Variants in GPC5 observed in about 807,000 individuals in gnomAD.
GPC5 encodes glypican 5.
A neutral mutation model predicts 53.9 loss-of-function variants in GPC5; 47 were observed. The ratio of observed to expected loss-of-function variants is 0.87; its 90% CI spans 0.69 to 1.11. The LOEUF is 1.11. GPC5 is among the 50% of genes most tolerant of loss of function. The pLI, the probability that GPC5 is intolerant of heterozygous loss-of-function variation, is 0.00. For synonymous variants in GPC5, 286 were observed against 263.3 expected (o/e 1.09, Z -0.84); for missense variants, 748 against 713.1 (o/e 1.05, Z -0.56).
intron 7 of GPC5, among the ~76,000 whole-genome samples, chr13:92,184,798 A>G (rs979243601): frequency 2.0e-5 from 3 of 152,266 alleles, no homozygotes; most frequent in Admixed American, 6.5e-5. Context: ...GAAACTCTAT[A>G]TCTTTATTCT....
intron 7 of GPC5, among the ~76,000 whole-genome samples, chr13:92,278,170 G>A (rs2042889236): frequency 1.3e-5 from 2 of 151,738 alleles, no homozygotes. Flanking sequence ...AAGAAAGTTT[G>A]CCTTTTGGTA....
intron 7 of GPC5, among the ~76,000 whole-genome samples, chr13:92,188,806 A>G (rs1277218912): frequency 3.3e-5 from 5 of 152,226 alleles, no homozygotes; most frequent in African/African-American, 1.2e-4. Context: ...TTTCTGGTTC[A>G]GCATCTAAGA....
At chr13:92,233,362 T>C (rs1390393551) in intron 7 of GPC5, among the ~76,000 whole-genome samples, 1 of 152,210 alleles carries the variant, frequency 6.6e-6, no homozygotes, top group Non-Finnish European at 1.5e-5. Flanking sequence ...GAAATATCTG[T>C]GTATTGAGAC....
At chr13:92,186,844 G>A (rs1445063645) in intron 7 of GPC5, among the ~76,000 whole-genome samples, 2 of 152,060 alleles carry the variant, frequency 1.3e-5, no homozygotes, top group African/African-American at 4.8e-5. Context: ...ATTTACTTCC[G>A]CTCATGCCTG....
At chr13:92,305,886 G>T (rs1457944723) in intron 7 of GPC5, among the ~76,000 whole-genome samples, 3 of 152,176 alleles carry the variant, frequency 2.0e-5, no homozygotes, top group South Asian at 2.1e-4. Context: ...GGATTCAGGG[G>T]AATAGCTTTT....
At chr13:92,416,337 G>A (rs140421776) in intron 7 of GPC5, among the ~76,000 whole-genome samples, 40 of 152,292 alleles carry the variant, frequency 2.6e-4, no homozygotes, top group Non-Finnish European at 2.9e-5. Context: ...CTGGAAAATA[G>A]ATTGGAAGAG....
At chr13:92,386,820 T>G (rs1196017349) in intron 7 of GPC5, among the ~76,000 whole-genome samples, 1 of 152,072 alleles carries the variant, frequency 6.6e-6, no homozygotes, top group Non-Finnish European at 1.5e-5. Context: ...GGTTAAAAAC[T>G]TACTATATTT....
At chr13:92,460,975 TG>T (rs1373388578) in intron 7 of GPC5, among the ~76,000 whole-genome samples, 1 of 151,910 alleles carries the variant, frequency 6.6e-6, no homozygotes, top group African/African-American at 2.4e-5. Context: ...CAAATCTGAG[TG>T]AAGCTTGAAG....
At chr13:92,486,316 ATCC>A (rs1879553025) in intron 7 of GPC5, among the ~76,000 whole-genome samples, 1 of 152,202 alleles carries the variant, frequency 6.6e-6, no homozygotes, top group Non-Finnish European at 1.5e-5. Flanking sequence ...TGGTATTTCT[ATCC>A]TCCTATCCTC....
intron 5 of GPC5, among the ~76,000 whole-genome samples, chr13:91,823,945 A>G (rs1026577050): frequency 2.0e-5 from 3 of 152,092 alleles, no homozygotes; most frequent in African/African-American, 7.2e-5. Context: ...ACTTTGAAAT[A>G]TCAATATGGT....
intron 7 of GPC5, among the ~76,000 whole-genome samples, chr13:92,294,826 CT>C (rs147963724): frequency 0.014 from 1,338 of 98,938 alleles, 13 homozygotes; most frequent in African/African-American, 0.044. Flanking sequence ...TTTTTTTTTT[CT>C]TTTTTTTTTT....
At chr13:91,844,084 G>A (rs1479224093) in intron 5 of GPC5, among the ~76,000 whole-genome samples, 1 of 152,142 alleles carries the variant, frequency 6.6e-6, no homozygotes, top group Non-Finnish European at 1.5e-5. Context: ...TACCAGGACA[G>A]GAGGTAAAGG....
At chr13:91,963,865 T>C (rs1049891882) in intron 6 of GPC5, among the ~76,000 whole-genome samples, 3 of 152,184 alleles carry the variant, frequency 2.0e-5, no homozygotes, top group African/African-American at 7.2e-5. Context: ...TAGAACACTT[T>C]CTTCGTACAA....
chr13:92,302,955 G>A (rs1432479120), intron 7 of GPC5, among the ~76,000 whole-genome samples: 1 of 152,034 alleles, frequency 6.6e-6, no homozygotes, highest in East Asian at 1.9e-4. Context: ...TATACTTTTT[G>A]TTTTCATTTT....
At chr13:91,866,710 C>T (rs1304184485) in intron 5 of GPC5, among the ~76,000 whole-genome samples, 1 of 152,128 alleles carries the variant, frequency 6.6e-6, no homozygotes, top group Non-Finnish European at 1.5e-5. Flanking sequence ...TCCTTTATAG[C>T]AATGAGATGG....
intron 2 of GPC5, among the ~76,000 whole-genome samples, chr13:91,478,867 C>T (rs1185350165): frequency 5.1e-5 from 4 of 78,424 alleles, no homozygotes; most frequent in African/African-American, 8.4e-5. Context: ...TATACACACA[C>T]ATATATATAC....
At chr13:92,153,149 T>A (rs2041919463) in intron 7 of GPC5, among the ~76,000 whole-genome samples, 7 of 152,194 alleles carry the variant, frequency 4.6e-5, no homozygotes. Context: ...TTTCTTTCTT[T>A]TTTTTGAGAC....
chr13:92,864,859 T>TTA lies in GPC5; in HGVS notation c.1562-1409_1562-1408dup, dbSNP rs760708862. On this transcript the variant is annotated intron_variant, in intron 7 of 7. Coordinates refer to ENST00000377067, the MANE Select transcript of GPC5 (RefSeq NM_004466.6). Reference sequence around the variant, plus strand: ...AATGCAGCACAGCTTATCTTCTGAATTATATATATATATATTGGCCTAATT... The same window carrying TTA: ...AATGCAGCACAGCTTATCTTCTGAATTATATATATATATATATTGGCCTAATT... Among the ~76,000 whole-genome samples the TTA allele has an allele frequency of 4.1e-3, 612 of 151,024 alleles. 2 individuals are homozygous for TTA. Among genetic ancestry groups the TTA allele is most frequent in the African/African-American group, 0.01 (416 of 41,272 alleles).
intron 5 of GPC5, among the ~76,000 whole-genome samples, chr13:91,835,905 T>C (rs1054799428): frequency 2.6e-5 from 4 of 151,916 alleles, no homozygotes; most frequent in Admixed American, 6.6e-5. Context: ...GAAAATTAGC[T>C]AAATCCATTA....
Sources: gnomAD v4.1 joint callset for allele counts (sites outside exome capture counted in the v4.1 genomes callset) on GRCh38, gnomAD v4.1.1 for gene constraint, MANE v1.5 for transcripts, NCBI Gene and HGNC (gene_info 2026-07-23, HGNC 2026-07-21) for gene names.